CA1: variants seen among roughly 807,000 people sequenced by gnomAD.
CA1 encodes carbonic anhydrase 1, also known as carbonate dehydratase I.
Under a neutral mutation model 28.8 loss-of-function variants are expected in CA1, and 27 were observed. The ratio of observed to expected loss-of-function variants is 0.94; its 90% CI spans 0.69 to 1.29. The LOEUF (loss-of-function observed/expected upper bound fraction) is 1.29, where lower values mean the gene tolerates loss of function less well. CA1 is among the 50% of genes most tolerant of loss of function. The pLI, the probability that CA1 is intolerant of heterozygous loss-of-function variation, is 0.00. For synonymous variants in CA1, 121 were observed against 108.8 expected, an observed-to-expected ratio of 1.11 and a Z score of -0.70; for missense variants, 335 against 310.5, an observed-to-expected ratio of 1.08 and a Z score of -0.59.
intron 1 of CA1, chr8:85,343,123 T>G (rs1808994621): frequency 6.6e-6 from 1 of 152,148 alleles, no homozygotes. Flanking sequence ...ATTCTTATTA[T>G]AACAAAATTG....
intron 1 of CA1, among the ~76,000 whole-genome samples, chr8:85,376,001 T>C (rs1159357629): frequency 7.9e-5 from 12 of 152,206 alleles, no homozygotes; most frequent in Admixed American, 7.9e-4. Flanking sequence ...TAATATCCTA[T>C]AGAGGGAATT....
In CA1 at chr8:85,338,590, T is replaced by C. The variant is rs1196595841; in HGVS notation, c.38-141A>G. The C allele has an allele frequency of 4.2e-6, 3 of 719,310 alleles. No individual in the cohort carries two copies. In the East Asian group the frequency reaches 7.8e-5, roughly 19 times the overall value. The allele number at this position is 719,310 out of a possible 1,614,324, so 44.6% of individuals were successfully genotyped here. On this transcript the variant is annotated intron_variant, in intron 2 of 7. Coordinates refer to ENST00000523022, the MANE Select transcript of CA1 (RefSeq NM_001128831.4). ...ATATTCTCTTAAGATTAATAGAAAT[T>C]CTGTGTTTGAAGATGTCCCTTTTCT...
At chr8:85,358,290 C>G (rs536388271) in intron 1 of CA1, among the ~76,000 whole-genome samples, 2 of 152,330 alleles carry the variant, frequency 1.3e-5, no homozygotes, top group South Asian at 4.1e-4. Flanking sequence ...GTGCCATCCC[C>G]TCAGAAGGCC....
At chr8:85,353,523 C>T (rs780800317) in intron 1 of CA1, among the ~76,000 whole-genome samples, 5 of 152,098 alleles carry the variant, frequency 3.3e-5, no homozygotes, top group Non-Finnish European at 5.9e-5. Flanking sequence ...ATACTGTATA[C>T]GCTTTTTTTG....
intron 1 of CA1, among the ~76,000 whole-genome samples, chr8:85,358,759 A>G (rs1809693608): frequency 6.6e-6 from 1 of 152,196 alleles, no homozygotes; most frequent in Admixed American, 6.5e-5. Context: ...GCTTGTTTAG[A>G]ACACAGATGA....
At chr8:85,351,370 G>A (rs73267585) in intron 1 of CA1, among the ~76,000 whole-genome samples, 2,699 of 152,318 alleles carry the variant, frequency 0.018, 93 homozygotes, top group African/African-American at 0.062. Flanking sequence ...ATGTAATGTT[G>A]GAGTAGTAAG....
rs763016828 is a variant in CA1, at chr8:85,333,597, A to G, written c.378T>C (p.Ser126=). The part of the protein sequence containing the change: ...SAELHVAHWN[S]AKYSSLAEAA... ...CTTCAGCAAGGCTGGAGTACTTTGC[A>G]GAATTCCAGTGAGCTACGTGAAGCT... The change falls in exon 5 of 8, where the codon TCT becomes TCC. Residue 126 remains serine (S), a synonymous_variant. Coordinates refer to ENST00000523022, the MANE Select transcript of CA1 (RefSeq NM_001128831.4). The G allele has an allele frequency of 6.2e-7, 1 of 1,611,378 alleles. No individual in the cohort carries two copies. Among genetic ancestry groups the G allele is most frequent in the Non-Finnish European group, 8.5e-7 (1 of 1,177,886 alleles).
At position 85,368,570 on chromosome 8, in the gene CA1, CATA is replaced by C. The variant is rs202007476; in HGVS notation, c.-25+9473_-25+9475del. Among the ~76,000 whole-genome samples the C allele has an allele frequency of 2.8e-4, 43 of 151,622 alleles. No homozygotes were observed. In the East Asian group the frequency reaches 8.2e-3, roughly 29 times the overall value. ...TCACATTTTCTTTGTGTGAAACAAA[CATA>C]ATATCTTTTTAATGATTGTTTCATT... On this transcript the variant is annotated intron_variant, in intron 1 of 7. Coordinates refer to ENST00000523022, the MANE Select transcript of CA1 (RefSeq NM_001128831.4).
chr8:85,358,135 A>G (rs1337608982), intron 1 of CA1, among the ~76,000 whole-genome samples: 5 of 152,214 alleles, frequency 3.3e-5, no homozygotes, highest in Non-Finnish European at 7.3e-5. Context: ...CTAGGTGGGC[A>G]GTGGTAAGGG....
At chr8:85,331,703 C>T (rs1269578511) in intron 6 of CA1, among the ~76,000 whole-genome samples, 3 of 152,116 alleles carry the variant, frequency 2.0e-5, no homozygotes, top group Non-Finnish European at 4.4e-5. Flanking sequence ...AGCAATCTAC[C>T]CGCCTCGGCC....
chr8:85,345,496 C>T (rs939216752), intron 1 of CA1, among the ~76,000 whole-genome samples: 2 of 152,114 alleles, frequency 1.3e-5, no homozygotes, highest in African/African-American at 4.8e-5. Context: ...TATGATAAAA[C>T]CTTGATCATT....
At chr8:85,345,434 T>C (rs922889545) in intron 1 of CA1, among the ~76,000 whole-genome samples, 3 of 152,212 alleles carry the variant, frequency 2.0e-5, no homozygotes, top group African/African-American at 7.2e-5. Flanking sequence ...TATTGTGAAA[T>C]TAATTTACTT....
At chr8:85,344,151 TATATACTG>T (rs1809038142) in intron 1 of CA1, among the ~76,000 whole-genome samples, 1 of 133,638 alleles carries the variant, frequency 7.5e-6, no homozygotes, top group Non-Finnish European at 1.6e-5. Context: ...AATTATATAT[TATATACTG>T]TATATTATAT....
At chr8:85,351,969 C>A (rs1473395867) in intron 1 of CA1, among the ~76,000 whole-genome samples, 1 of 152,174 alleles carries the variant, frequency 6.6e-6, no homozygotes, top group Non-Finnish European at 1.5e-5. Flanking sequence ...AATTCCAACA[C>A]AACTTAATCC....
At chr8:85,364,251 G>T (rs1809920369) in intron 1 of CA1, among the ~76,000 whole-genome samples, 2 of 152,154 alleles carry the variant, frequency 1.3e-5, no homozygotes, top group Non-Finnish European at 2.9e-5. Context: ...ATATCCACTT[G>T]TGAAAATCTA....
intron 1 of CA1, among the ~76,000 whole-genome samples, chr8:85,373,685 G>T (rs1810312744): frequency 6.6e-6 from 1 of 152,138 alleles, no homozygotes; most frequent in Non-Finnish European, 1.5e-5. Context: ...CATGGTTTCA[G>T]GTATTGTCTT....
At chr8:85,338,072 C>T in intron 3 of CA1, 180 bp downstream of exon 3, 1 of 704,994 alleles carries the variant, frequency 1.4e-6, no homozygotes. Context: ...GCTGGGAGTT[C>T]CAAAAATTGT....
chr8:85,328,578 T>C lies in CA1; in HGVS notation c.768A>G (p.Thr256=), dbSNP rs1413032096. 2 of 1,605,130 alleles carry C rather than the reference T, an allele frequency of 1.2e-6. No individual in the cohort carries two copies. The change falls in exon 8 of 8, where the codon ACA becomes ACG. Residue 256 remains threonine (T), a synonymous_variant. Coordinates refer to ENST00000523022, the MANE Select transcript of CA1 (RefSeq NM_001128831.4). ...NRPTQPLKGR[T]VRASF The stretch of plus-strand genomic sequence containing the variant: ...AGAATCATCAAAATGAAGCTCTCAC[T>C]GTTCTGCCCTTCAGAGGTTGGGTTG...
intron 2 of CA1, among the ~76,000 whole-genome samples, 191 bp from the exon 3 acceptor site, chr8:85,338,640 CTTTCTT>C (rs1808769432): frequency 9.5e-5 from 1 of 10,548 alleles, no homozygotes; most frequent in African/African-American, 3.4e-4. Context: ...CTTTTTCTTT[CTTTCTT>C]TCTTTCTTTC....
Sources: gnomAD v4.1 joint callset for allele counts (sites outside exome capture counted in the v4.1 genomes callset) on GRCh38, gnomAD v4.1.1 for gene constraint, MANE v1.5 for transcripts, NCBI Gene and HGNC (gene_info 2026-07-23, HGNC 2026-07-21) for gene names.